The following SIPA1L3 variants were observed in gnomAD, a reference collection of about 807,000 sequenced individuals.
SIPA1L3 encodes signal induced proliferation associated 1 like 3.
A neutral mutation model predicts 150.1 loss-of-function variants in SIPA1L3; 59 were observed. The ratio of observed to expected loss-of-function variants is 0.39; its 90% CI spans 0.32 to 0.49. The LOEUF is 0.49. Ranked by LOEUF, SIPA1L3 falls within the 20% of genes least tolerant of loss-of-function variation. The pLI is 0.86. For missense variants in SIPA1L3, 2,211 were observed against 2,489.5 expected (o/e 0.89, Z 2.38); for synonymous variants, 1,070 against 1,077.6 (o/e 0.99, Z 0.14).
At chr19:37,940,233 ATTGCACCGCTGCGTT>A (rs1236502052) in intron 1 of SIPA1L3, among the ~76,000 whole-genome samples, 1 of 151,416 alleles carries the variant, frequency 6.6e-6, no homozygotes, top group African/African-American at 2.4e-5. Flanking sequence ...GTGAGCCGAG[ATTGCACCGCTGCGTT>A]CCAGCCTGGG....
At chr19:38,143,374 C>T (rs540920641) in intron 12 of SIPA1L3, among the ~76,000 whole-genome samples, 1 of 152,060 alleles carries the variant, frequency 6.6e-6, no homozygotes, top group African/African-American at 2.4e-5. Context: ...ATGTCCCCTT[C>T]CTCCTCCTCC....
intron 18 of SIPA1L3, among the ~76,000 whole-genome samples, chr19:38,197,136 G>A (rs919954404): frequency 1.3e-5 from 2 of 152,006 alleles, no homozygotes; most frequent in Non-Finnish European, 2.9e-5. Flanking sequence ...CCCCGCCTCC[G>A]CCAGCCTCAC....
At chr19:38,040,085 C>T (rs915888630) in intron 2 of SIPA1L3, among the ~76,000 whole-genome samples, 2 of 152,094 alleles carry the variant, frequency 1.3e-5, no homozygotes, top group Non-Finnish European at 2.9e-5. Flanking sequence ...TGCACTGCAG[C>T]CTGGGTAGCA....
At chr19:37,966,476 A>G (rs1458717145) in intron 1 of SIPA1L3, among the ~76,000 whole-genome samples, 1 of 152,154 alleles carries the variant, frequency 6.6e-6, no homozygotes, top group Admixed American at 6.5e-5. Context: ...TGGGTCTCAG[A>G]GTCCTGATCT....
chr19:38,176,313 G>A (rs910828612), intron 15 of SIPA1L3, among the ~76,000 whole-genome samples: 2 of 151,942 alleles, frequency 1.3e-5, no homozygotes, highest in African/African-American at 4.8e-5. Context: ...GCACCCGGCT[G>A]GCCACTTACT....
intron 18 of SIPA1L3, among the ~76,000 whole-genome samples, chr19:38,195,551 GCTCTGTCT>G: frequency 6.6e-6 from 1 of 152,258 alleles, no homozygotes; most frequent in East Asian, 1.9e-4. Flanking sequence ...CCTCCCTGCT[GCTCTGTCT>G]CTCTGCCCAA....
In SIPA1L3 at chr19:38,119,928, G is replaced by A. The variant is rs375067475; in HGVS notation, c.2868+46G>A. The A allele has an allele frequency of 2.1e-4, 294 of 1,409,702 alleles. No individual in the cohort carries two copies. In the Admixed American group the frequency reaches 2.2e-3, roughly 11 times the overall value. The allele number at this position is 1,409,702 out of a possible 1,614,324, so 87.3% of individuals were successfully genotyped here. A position where few individuals can be genotyped will look rare whatever the true frequency, so the allele number is the denominator to read the frequency against. ...ATAGGGCGGCGATTTGTATGGTTTC[G>A]GCCTCAGGAACCACTGAAATACTTC... On this transcript the variant is annotated intron_variant, in intron 9 of 21. Transcript: ENST00000222345.
Position 37,972,437 on chromosome 19 carries a change from T to C in SIPA1L3, c.-378-56652T>C, listed in dbSNP as rs1395331816. On this transcript the variant is annotated intron_variant, in intron 1 of 21. Coordinates refer to ENST00000222345, the MANE Select transcript of SIPA1L3 (RefSeq NM_015073.3). Reference sequence around the variant, plus strand: ...AGAACTGTGGGCTGGGTGTGGTGGCTCATGCCTGTAATCCCTGTGCTTTGA... The same window carrying C: ...AGAACTGTGGGCTGGGTGTGGTGGCCCATGCCTGTAATCCCTGTGCTTTGA... Among the ~76,000 whole-genome samples the C allele has an allele frequency of 2.0e-5, 3 of 152,198 alleles. No homozygotes were observed. The East Asian group carries it at 5.8e-4, about 29-fold the overall frequency.
rs869026715 is a variant in SIPA1L3 at position 37,941,071 on chromosome 19, T to TACACACACACAC, written c.-379+33717_-379+33728dup. Reference sequence around the variant, plus strand: ...GTAGGTGAATTTCAGGTTTGAGATGTACACACACACACACATACACACACA... The same window carrying TACACACACACAC: ...GTAGGTGAATTTCAGGTTTGAGATGTACACACACACACACACACACACACACATACACACACA... On this transcript the variant is annotated intron_variant, in intron 1 of 21. Coordinates refer to ENST00000222345, the MANE Select transcript of SIPA1L3 (RefSeq NM_015073.3). Among the ~76,000 whole-genome samples the TACACACACACAC allele has an allele frequency of 4.0e-3, 538 of 133,130 alleles. 4 individuals are homozygous for TACACACACACAC. Among genetic ancestry groups the TACACACACACAC allele is most frequent in the East Asian group, 0.016 (71 of 4,574 alleles). The allele number at this position is 133,130 out of a possible 152,430, so 87.3% of individuals were successfully genotyped here.
At chr19:37,990,287 G>A (rs1456327982) in intron 1 of SIPA1L3, among the ~76,000 whole-genome samples, 1 of 152,174 alleles carries the variant, frequency 6.6e-6, no homozygotes, top group Non-Finnish European at 1.5e-5. Flanking sequence ...TTTAGGCCTG[G>A]CAAGGTGGTG....
intron 14 of SIPA1L3, among the ~76,000 whole-genome samples, chr19:38,163,104 A>G (rs760464373): frequency 2.0e-5 from 3 of 152,182 alleles, no homozygotes; most frequent in African/African-American, 7.2e-5. Context: ...TGGGACCATG[A>G]TGATGAAGAG....
At chr19:38,056,573 C>T (rs113734299) in intron 2 of SIPA1L3, among the ~76,000 whole-genome samples, 2 of 152,334 alleles carry the variant, frequency 1.3e-5, no homozygotes, top group African/African-American at 4.8e-5. Context: ...TGCTTAAGTG[C>T]ATTTAATTAA....
At chr19:37,946,439 G>C (rs1042467267) in intron 1 of SIPA1L3, among the ~76,000 whole-genome samples, 3 of 152,124 alleles carry the variant, frequency 2.0e-5, no homozygotes, top group Non-Finnish European at 4.4e-5. Context: ...GGCCCAGAAT[G>C]CTTTTTAATC....
intron 16 of SIPA1L3, among the ~76,000 whole-genome samples, chr19:38,187,407 G>C (rs1379660285): frequency 2.0e-5 from 3 of 151,268 alleles, no homozygotes; most frequent in African/African-American, 7.3e-5. Flanking sequence ...AGACAAGATT[G>C]TGCCACTGCA....
At chr19:38,014,333 G>C (rs748205671) in intron 1 of SIPA1L3, among the ~76,000 whole-genome samples, 6 of 152,144 alleles carry the variant, frequency 3.9e-5, no homozygotes, top group Non-Finnish European at 7.3e-5. Flanking sequence ...AGCGGAGTTT[G>C]GTGAGCCGTG....
intron 1 of SIPA1L3, among the ~76,000 whole-genome samples, chr19:38,020,098 C>G (rs138743243): frequency 6.6e-6 from 1 of 151,722 alleles, no homozygotes; most frequent in African/African-American, 2.4e-5. Flanking sequence ...GTCTCTCTCT[C>G]TCTATATATA....
chr19:37,912,490 C>A (rs533630675), intron 1 of SIPA1L3, among the ~76,000 whole-genome samples: 61 of 152,194 alleles, frequency 4.0e-4, no homozygotes, highest in African/African-American at 1.3e-3. Flanking sequence ...GCCTTCAGGG[C>A]AGGGCCAGCT....
At chr19:38,166,304 A>T (rs1972209165) in intron 15 of SIPA1L3, among the ~76,000 whole-genome samples, 2 of 152,030 alleles carry the variant, frequency 1.3e-5, no homozygotes, top group East Asian at 3.9e-4. Context: ...AATACAAAAA[A>T]AAATTAGCCA....
At chr19:37,917,576 G>A (rs2046423823) in intron 1 of SIPA1L3, among the ~76,000 whole-genome samples, 1 of 152,146 alleles carries the variant, frequency 6.6e-6, no homozygotes, top group Admixed American at 6.6e-5. Flanking sequence ...TTGGGAAGTG[G>A]CAGAGGCAGC....
Sources: gnomAD v4.1 joint callset for allele counts (sites outside exome capture counted in the v4.1 genomes callset) on GRCh38, gnomAD v4.1.1 for gene constraint, MANE v1.5 for transcripts, NCBI Gene and HGNC (gene_info 2026-07-23, HGNC 2026-07-21) for gene names.